Variants in KCNN2 observed in about 807,000 individuals in gnomAD.
KCNN2 encodes small conductance calcium-activated potassium channel protein 2.
A neutral mutation model predicts 55.5 loss-of-function variants in KCNN2; 24 were observed. The ratio of observed to expected loss-of-function variants is 0.43; its 90% CI spans 0.31 to 0.61. The LOEUF (loss-of-function observed/expected upper bound fraction) is 0.61, where lower values mean the gene tolerates loss of function less well. Ranked by LOEUF, KCNN2 falls within the 20% of genes least tolerant of loss-of-function variation. KCNN2 has a pLI of 0.08. For missense variants in KCNN2, 754 were observed against 853.6 expected (o/e 0.88, Z 1.45); for synonymous variants, 431 against 336.1 (o/e 1.28, Z -3.09).
intron 1 of KCNN2, among the ~76,000 whole-genome samples, chr5:114,112,535 A>G (rs1050285046): frequency 3.3e-5 from 5 of 152,114 alleles, no homozygotes; most frequent in African/African-American, 7.2e-5. Context: ...CCAAAAACAC[A>G]TTGATCCAAT....
chr5:114,274,430 A>G (rs914280907), intron 2 of KCNN2, among the ~76,000 whole-genome samples: 11 of 152,174 alleles, frequency 7.2e-5, no homozygotes, highest in Non-Finnish European at 1.6e-4. Flanking sequence ...TTTGGGCAGT[A>G]AGGCCATTTT....
chr5:114,268,957 G>A (rs557772594), intron 2 of KCNN2, among the ~76,000 whole-genome samples: 26 of 151,898 alleles, frequency 1.7e-4, no homozygotes, highest in South Asian at 8.4e-4. Flanking sequence ...GGGGTTCTCT[G>A]AGGATCCTGA....
chr5:114,123,731 A>G (rs941934151), intron 1 of KCNN2, among the ~76,000 whole-genome samples: 10 of 152,166 alleles, frequency 6.6e-5, no homozygotes, highest in African/African-American at 2.4e-4. Flanking sequence ...TTTCATAAGC[A>G]TCAGCAGATT....
At chr5:114,308,837 T>C (rs1241254675) in intron 2 of KCNN2, among the ~76,000 whole-genome samples, 2 of 152,218 alleles carry the variant, frequency 1.3e-5, no homozygotes, top group African/African-American at 4.8e-5. Context: ...TTTCAAGTCT[T>C]GATTTATAAA....
chr5:114,291,961 A>G (rs1220170286), intron 2 of KCNN2, among the ~76,000 whole-genome samples: 3 of 152,008 alleles, frequency 2.0e-5, no homozygotes, highest in African/African-American at 7.2e-5. Context: ...GCATTTTTTC[A>G]TGTGTTTTTT....
chr5:114,383,256 A>G (rs1173495382), intron 2 of KCNN2, among the ~76,000 whole-genome samples: 1 of 151,968 alleles, frequency 6.6e-6, no homozygotes, highest in Non-Finnish European at 1.5e-5. Flanking sequence ...CTGTGTGTGT[A>G]GACCCTGTAC....
intron 3 of KCNN2, among the ~76,000 whole-genome samples, chr5:114,461,957 C>T (rs1298687919): frequency 6.6e-6 from 1 of 152,150 alleles, no homozygotes; most frequent in East Asian, 1.9e-4. Context: ...AAAGGAAAGC[C>T]CTCTGAGTGG....
chr5:114,364,359 C>G (rs993488380), intron 2 of KCNN2, among the ~76,000 whole-genome samples: 1 of 152,132 alleles, frequency 6.6e-6, no homozygotes, highest in Non-Finnish European at 1.5e-5. Context: ...TGAGACACCT[C>G]TTCCTAGTGG....
intron 1 of KCNN2, among the ~76,000 whole-genome samples, chr5:114,172,755 C>G (rs1753064258): frequency 6.6e-6 from 1 of 151,422 alleles, no homozygotes; most frequent in African/African-American, 2.4e-5. Flanking sequence ...AATGTCTATT[C>G]AGATCTTTTG....
At chr5:114,107,152 T>C (rs538730006) in intron 1 of KCNN2, among the ~76,000 whole-genome samples, 2 of 152,254 alleles carry the variant, frequency 1.3e-5, no homozygotes, top group African/African-American at 2.4e-5. Flanking sequence ...GAGAAAACTA[T>C]TATTTCTCAC....
intron 2 of KCNN2, among the ~76,000 whole-genome samples, chr5:114,225,539 A>G (rs372504156): frequency 7.4e-4 from 113 of 152,308 alleles, no homozygotes; most frequent in African/African-American, 2.6e-3. Flanking sequence ...TGTTGTGTTC[A>G]ATGATATATC....
chr5:114,274,002 G>C (rs139522264), intron 2 of KCNN2, among the ~76,000 whole-genome samples: 12,390 of 152,154 alleles, frequency 0.081, 636 homozygotes, highest in African/African-American at 0.14. Context: ...AATCCATCTT[G>C]AGTTAATTTT....
intron 1 of KCNN2, among the ~76,000 whole-genome samples, chr5:114,135,884 A>G (rs1052137870): frequency 4.6e-5 from 7 of 152,212 alleles, no homozygotes. Context: ...AAATTAATAT[A>G]TACGTGTGGA....
intron 1 of KCNN2, among the ~76,000 whole-genome samples, chr5:114,100,696 G>C (rs2112568657): frequency 6.6e-6 from 1 of 152,178 alleles, no homozygotes; most frequent in African/African-American, 2.4e-5. Context: ...ATTTCTAAAT[G>C]AAAGGAACTA....
chr5:114,303,188 T>C (rs1756202226), intron 2 of KCNN2, among the ~76,000 whole-genome samples: 1 of 152,234 alleles, frequency 6.6e-6, no homozygotes, highest in South Asian at 2.1e-4. Context: ...GTATACCATA[T>C]TTATTGCTTT....
intron 1 of KCNN2, among the ~76,000 whole-genome samples, chr5:114,064,973 C>T (rs907537228): frequency 6.6e-6 from 1 of 152,130 alleles, no homozygotes; most frequent in East Asian, 1.9e-4. Context: ...GGCTGTTCAA[C>T]CCCAGAGAAT....
rs554949969 is a variant in KCNN2 at position 114,294,851 on chromosome 5, G to A, written c.-184-66094G>A. ...CTAAGGACTTGCTTTATGAATCTGGGTGCTCCTGTATTGGGTGCATATATA... is the reference window on the plus strand; with the variant it reads ...CTAAGGACTTGCTTTATGAATCTGGATGCTCCTGTATTGGGTGCATATATA... On this transcript the variant is annotated intron_variant, in intron 2 of 10. Coordinates refer to the KCNN2 transcript ENST00000512097. 7.9e-5 allele frequency among the ~76,000 whole-genome samples: 12 copies of A among 152,210 alleles called. No homozygotes were observed. The East Asian group carries it at 2.1e-3, about 27-fold the overall frequency.
At chr5:114,229,796 T>G (rs1007128706) in intron 2 of KCNN2, among the ~76,000 whole-genome samples, 2 of 152,118 alleles carry the variant, frequency 1.3e-5, no homozygotes, top group African/African-American at 4.8e-5. Context: ...TTTGAAAATA[T>G]GGCAATGTGG....
intron 3 of KCNN2, among the ~76,000 whole-genome samples, chr5:114,440,742 A>C (rs990226313): frequency 1.3e-5 from 2 of 152,154 alleles, no homozygotes; most frequent in Non-Finnish European, 1.5e-5. Flanking sequence ...TAAAAGTTAT[A>C]AGTATAACCT....
Sources: allele counts gnomAD v4.1 joint callset (sites outside exome capture counted in the v4.1 genomes callset), GRCh38; gene constraint gnomAD v4.1.1; transcripts MANE v1.5; gene names NCBI Gene and HGNC (gene_info 2026-07-23, HGNC 2026-07-21).